Variants in PPP3R1 observed in about 807,000 individuals in gnomAD.
PPP3R1 encodes the protein calcineurin subunit B type 1.
A neutral mutation model predicts 22.6 loss-of-function variants in PPP3R1; 5 were observed. That is an observed-to-expected ratio of 0.22 (90% CI 0.12 to 0.46). The LOEUF (loss-of-function observed/expected upper bound fraction) is 0.46, where lower values mean the gene tolerates loss of function less well. Ranked by LOEUF, PPP3R1 falls within the 20% of genes least tolerant of loss-of-function variation. The pLI, the probability that PPP3R1 is intolerant of heterozygous loss-of-function variation, is 0.99. For missense variants in PPP3R1, 61 were observed against 203.2 expected, an observed-to-expected ratio of 0.30 and a Z score of 4.25; for synonymous variants, 56 against 65.2, an observed-to-expected ratio of 0.86 and a Z score of 0.68.
chr2:68,181,812 T>C (rs1674409910), intron 5 of PPP3R1, among the ~76,000 whole-genome samples: 1 of 152,132 alleles, frequency 6.6e-6, no homozygotes. Flanking sequence ...ATTTAAAAAG[T>C]ACCAAGTGAA....
At chr2:68,197,853 TTG>T (rs1374930553) in intron 2 of PPP3R1, among the ~76,000 whole-genome samples, 4 of 151,838 alleles carry the variant, frequency 2.6e-5, no homozygotes, top group Admixed American at 2.0e-4. Context: ...GATTCCTGTT[TTG>T]TGTGTACTAA....
rs1319235962 is a variant in PPP3R1, at chr2:68,194,235, TA to T, written c.44-5546del. Among the ~76,000 whole-genome samples the T allele has an allele frequency of 3.3e-5, 5 of 152,234 alleles. No individual in the cohort carries two copies. In the East Asian group the frequency reaches 9.6e-4, roughly 29 times the overall value. On this transcript the variant is annotated intron_variant, in intron 2 of 5. Coordinates refer to ENST00000234310, the MANE Select transcript of PPP3R1 (RefSeq NM_000945.4). ...TTTATAAAACATAAAAAGTTACTAA[TA>T]AGGAATTGGTAGATTGTTTATACAG... is the stretch of plus-strand genomic sequence containing the variant.
chr2:68,196,397 TG>T (rs959370530), intron 2 of PPP3R1, among the ~76,000 whole-genome samples: 1 of 152,106 alleles, frequency 6.6e-6, no homozygotes, highest in African/African-American at 2.4e-5. Context: ...GTGTACCAAG[TG>T]GAAGTTTAAT....
intron 1 of PPP3R1, 126 bp from the exon 2 acceptor site, chr2:68,217,257 T>C (rs1389793409): frequency 9.1e-6 from 5 of 549,286 alleles, no homozygotes; most frequent in Non-Finnish European, 1.6e-5. Context: ...TGACCACATA[T>C]ATAAATTACA....
At chr2:68,248,838 G>T (rs1670283852) in intron 1 of PPP3R1, among the ~76,000 whole-genome samples, 1 of 152,114 alleles carries the variant, frequency 6.6e-6, no homozygotes, top group Admixed American at 6.5e-5. Flanking sequence ...TTTCTATCAT[G>T]CTTTGTGTGT....
At chr2:68,204,651 T>A (rs1254878327) in intron 2 of PPP3R1, among the ~76,000 whole-genome samples, 1 of 152,198 alleles carries the variant, frequency 6.6e-6, no homozygotes, top group East Asian at 1.9e-4. Context: ...ATTAAAAGAA[T>A]TAATGTATGT....
chr2:68,199,958 G>A (rs951327743), intron 2 of PPP3R1, among the ~76,000 whole-genome samples: 5 of 152,056 alleles, frequency 3.3e-5, no homozygotes, highest in Non-Finnish European at 7.4e-5. Context: ...TATTTTCTAA[G>A]AGTCTAGATA....
rs1674351553 is a variant in PPP3R1 at position 68,179,169 on chromosome 2, T to G, written c.*1794A>C. On this transcript the variant is annotated 3_prime_UTR_variant, in exon 6 of 6. Coordinates refer to ENST00000234310, the MANE Select transcript of PPP3R1 (RefSeq NM_000945.4). ...TATGTACAAAAAATTCACAAAAGGC[T>G]AGTTCCCCCTTGAAGCAGAGCACAT... The G allele has an allele frequency of 6.6e-6, 1 of 152,612 alleles. No individual in the cohort carries two copies. Among genetic ancestry groups the G allele is most frequent in the Non-Finnish European group, 1.5e-5 (1 of 68,030 alleles). 9.5% of individuals were successfully genotyped at this position (152,612 alleles called of 1,614,324 possible).
intron 1 of PPP3R1, among the ~76,000 whole-genome samples, chr2:68,243,302 G>A (rs1057157173): frequency 2.6e-5 from 4 of 151,952 alleles, no homozygotes; most frequent in African/African-American, 4.8e-5. Context: ...TTATTCCTGC[G>A]CCAGACCTAT....
chr2:68,190,189 G>A (rs1024669403), intron 2 of PPP3R1, among the ~76,000 whole-genome samples: 1 of 137,800 alleles, frequency 7.3e-6, no homozygotes, highest in East Asian at 2.3e-4. Flanking sequence ...AGTATTGTCA[G>A]TAATCATGGA....
chr2:68,217,812 A>C (rs1287486925), intron 1 of PPP3R1, among the ~76,000 whole-genome samples: 1 of 152,074 alleles, frequency 6.6e-6, no homozygotes, highest in Non-Finnish European at 1.5e-5. Flanking sequence ...AATTTTCTAT[A>C]CTAGGATTTT....
chr2:68,200,662 T>C (rs574826987), intron 2 of PPP3R1, among the ~76,000 whole-genome samples: 1 of 152,306 alleles, frequency 6.6e-6, no homozygotes, highest in East Asian at 1.9e-4. Context: ...ATCTAATTTC[T>C]TTTCCTATGT....
chr2:68,200,080 TTAAC>T (rs904529475), intron 2 of PPP3R1, among the ~76,000 whole-genome samples: 9 of 152,226 alleles, frequency 5.9e-5, no homozygotes, highest in South Asian at 2.1e-4. Context: ...TTCAATTTTA[TTAAC>T]TAATAAAAGG....
intron 1 of PPP3R1, among the ~76,000 whole-genome samples, chr2:68,218,016 T>TC (rs1425591128): frequency 2.6e-5 from 4 of 152,156 alleles, no homozygotes; most frequent in Non-Finnish European, 5.9e-5. Flanking sequence ...TATAACAGAC[T>TC]CAGAGGTAGA....
chr2:68,236,727 T>C (rs1422896644), intron 1 of PPP3R1, among the ~76,000 whole-genome samples: 2 of 152,170 alleles, frequency 1.3e-5, no homozygotes, highest in Admixed American at 1.3e-4. Context: ...TACTATCATA[T>C]GGCCTAGACT....
At chr2:68,197,383 C>A (rs1249264272) in intron 2 of PPP3R1, among the ~76,000 whole-genome samples, 2 of 152,178 alleles carry the variant, frequency 1.3e-5, no homozygotes, top group Non-Finnish European at 2.9e-5. Context: ...TACTGCAGAG[C>A]AGTATAGTCC....
chr2:68,243,832 A>G (rs1034693244), intron 1 of PPP3R1, among the ~76,000 whole-genome samples: 2 of 152,144 alleles, frequency 1.3e-5, no homozygotes, highest in African/African-American at 2.4e-5. Flanking sequence ...GTAGCGTATC[A>G]TTAAAACTTT....
intron 2 of PPP3R1, among the ~76,000 whole-genome samples, chr2:68,200,276 G>A (rs1674948135): frequency 6.6e-6 from 1 of 152,096 alleles, no homozygotes; most frequent in South Asian, 2.1e-4. Flanking sequence ...CTGATACTGT[G>A]ATTGTGTTTT....
intron 1 of PPP3R1, among the ~76,000 whole-genome samples, chr2:68,231,851 G>C (rs1040237757): frequency 5.3e-5 from 8 of 152,040 alleles, no homozygotes; most frequent in Non-Finnish European, 1.5e-5. Context: ...AGTCAAGACA[G>C]GTAATGTTTT....
Sources: allele counts gnomAD v4.1 joint callset (sites outside exome capture counted in the v4.1 genomes callset), GRCh38; gene constraint gnomAD v4.1.1; transcripts MANE v1.5; gene names NCBI Gene and HGNC (gene_info 2026-07-23, HGNC 2026-07-21).